The following EFCAB14 variants were observed in gnomAD, a reference collection of about 807,000 sequenced individuals.
EFCAB14 encodes EF-hand calcium-binding domain-containing protein 14.
In EFCAB14, 43 loss-of-function variants were observed where a neutral mutation model predicts 56.5. The ratio of observed to expected loss-of-function variants is 0.76; its 90% CI spans 0.60 to 0.98. The LOEUF is 0.98. Among genes scored for constraint, EFCAB14 ranks in the 50% least tolerant of loss-of-function variants. EFCAB14 has a pLI of 0.00. For synonymous variants in EFCAB14, 235 were observed against 212.9 expected (o/e 1.10, Z -0.90); for missense variants, 538 against 580.3 (o/e 0.93, Z 0.75).
chr1:46,688,304 T>C lies in EFCAB14; in HGVS notation c.987+49A>G, dbSNP rs1314747475. On this transcript the variant is annotated intron_variant, in intron 7 of 10. Coordinates refer to ENST00000371933, the MANE Select transcript of EFCAB14 (RefSeq NM_014774.3). ...TCAAAAGGTGGTAGAATGTTATCCA[T>C]GCACAGACAAAACACACTGCATGTC... 8 of 1,564,306 alleles carry C rather than the reference T, an allele frequency of 5.1e-6. No individual in the cohort carries two copies. The South Asian group carries it at 5.8e-5, about 11-fold the overall frequency.
intron 3 of EFCAB14, among the ~76,000 whole-genome samples, chr1:46,700,617 A>G (rs1677140049): frequency 6.6e-6 from 1 of 152,262 alleles, no homozygotes; most frequent in African/African-American, 2.4e-5. Context: ...TTATCTAGGA[A>G]TATCCATCAA....
At chr1:46,686,502 C>T (rs765699132) in intron 8 of EFCAB14, among the ~76,000 whole-genome samples, 2 of 152,110 alleles carry the variant, frequency 1.3e-5, no homozygotes, top group Non-Finnish European at 2.9e-5. Flanking sequence ...TATGTGTTAA[C>T]GATTTTCTGA....
Position 46,707,906 on chromosome 1 carries a change from C to T in EFCAB14, c.480G>A (p.Gln160=). ...ACAGCAAAAATCAAACTTTTAGTAC[C>T]TGCTTATTCATTTCTGTGATGTTTA... is the stretch of plus-strand genomic sequence containing the variant. ...VWINITEMNK[Q]ISLLTSAVNH... The change falls in exon 3 of 11, where the codon CAG becomes CAA. Residue 160 remains glutamine (Q), a splice_region_variant and synonymous_variant. Coordinates refer to ENST00000371933, the MANE Select transcript of EFCAB14 (RefSeq NM_014774.3). 6.2e-7 allele frequency: 1 copy of T among 1,607,262 alleles called. No individual in the cohort carries two copies. Among genetic ancestry groups the T allele is most frequent in the Non-Finnish European group, 8.5e-7 (1 of 1,178,852 alleles).
chr1:46,693,017 A>G (rs1677023402), intron 4 of EFCAB14, among the ~76,000 whole-genome samples: 1 of 152,170 alleles, frequency 6.6e-6, no homozygotes. Flanking sequence ...GGAGCAAAGG[A>G]CACTTCGAGC....
chr1:46,692,382 G>C (rs922052887), intron 4 of EFCAB14, among the ~76,000 whole-genome samples: 6 of 152,156 alleles, frequency 3.9e-5, no homozygotes, highest in Non-Finnish European at 8.8e-5. Context: ...TTCAATATTT[G>C]ACTATTACAA....
intron 3 of EFCAB14, among the ~76,000 whole-genome samples, chr1:46,697,158 C>G (rs1677087522): frequency 6.6e-6 from 1 of 152,210 alleles, no homozygotes; most frequent in African/African-American, 2.4e-5. Context: ...TTGAACAGCA[C>G]TTTCAACTAC....
chr1:46,697,655 C>T (rs1677095534), intron 3 of EFCAB14, among the ~76,000 whole-genome samples: 1 of 152,152 alleles, frequency 6.6e-6, no homozygotes, highest in African/African-American at 2.4e-5. Flanking sequence ...TGATTCCCTA[C>T]TCATTCCTTT....
intron 2 of EFCAB14, 97 bp downstream of exon 2, chr1:46,716,198 G>A (rs1477954880): frequency 1.2e-5 from 16 of 1,341,348 alleles, no homozygotes; most frequent in Non-Finnish European, 1.2e-5. Flanking sequence ...GCAGTGAGCC[G>A]AGATTGCGCC....
chr1:46,717,192 C>A lies in EFCAB14; in HGVS notation c.185+711G>T, dbSNP rs115668945. On this transcript the variant is annotated intron_variant, in intron 1 of 10. Transcript: ENST00000371933. Reference sequence around the variant, plus strand: ...AAACAAGACATTTTAAACCAACCAACCACTCAATGTCAGCACCCCGACCTT... The same window carrying A: ...AAACAAGACATTTTAAACCAACCAAACACTCAATGTCAGCACCCCGACCTT... 4.2e-3 allele frequency among the ~76,000 whole-genome samples: 644 copies of A among 152,300 alleles called. 1 individual carries two copies. Among genetic ancestry groups the A allele is most frequent in the African/African-American group, 0.014 (592 of 41,548 alleles).
chr1:46,696,914 G>A (rs1677085038), intron 3 of EFCAB14, among the ~76,000 whole-genome samples: 1 of 152,056 alleles, frequency 6.6e-6, no homozygotes, highest in Non-Finnish European at 1.5e-5. Context: ...ACCCTGTCCT[G>A]GCAGCACAAG....
In EFCAB14 at chr1:46,677,879, T is replaced by A. The variant is rs969793616; in HGVS notation, c.*582A>T. 3.9e-5 allele frequency: 6 copies of A among 152,676 alleles called. No homozygotes were observed. The highest frequency in any genetic ancestry group is 1.4e-4 in the African/African-American group (6 of 41,422). The allele number at this position is 152,676 out of a possible 1,614,324, so 9.5% of individuals were successfully genotyped here. On this transcript the variant is annotated 3_prime_UTR_variant, in exon 11 of 11. Coordinates refer to ENST00000371933, the MANE Select transcript of EFCAB14 (RefSeq NM_014774.3). ...GCGCCTGGGCCTTTGAGGGATACCT[T>A]ATGGAGACATGGATGTAGTTTCAGC...
chr1:46,696,870 T>C (rs1394973793), intron 3 of EFCAB14, among the ~76,000 whole-genome samples: 1 of 152,178 alleles, frequency 6.6e-6, no homozygotes, highest in East Asian at 1.9e-4. Context: ...ATTTGAACAC[T>C]AGTGTCAAAG....
At chr1:46,707,774 G>T in intron 3 of EFCAB14, 132 bp downstream of exon 3, 2 of 830,076 alleles carry the variant, frequency 2.4e-6, no homozygotes, top group Non-Finnish European at 3.5e-6. Flanking sequence ...ATTACAGTAT[G>T]CAAAACCCCA....
intron 9 of EFCAB14, among the ~76,000 whole-genome samples, chr1:46,683,925 C>G (rs1173896143): frequency 6.6e-6 from 1 of 152,166 alleles, no homozygotes; most frequent in Non-Finnish European, 1.5e-5. Flanking sequence ...TACTGCTTTT[C>G]TAAAATAGAA....
chr1:46,686,605 G>C (rs574432410), intron 8 of EFCAB14, 179 bp downstream of exon 8: 1 of 651,472 alleles, frequency 1.5e-6, no homozygotes, highest in Admixed American at 2.7e-5. Context: ...TTTGGCACAG[G>C]GTAGGTGCCT....
At chr1:46,702,040 T>A (rs910021281) in intron 3 of EFCAB14, among the ~76,000 whole-genome samples, 1 of 152,206 alleles carries the variant, frequency 6.6e-6, no homozygotes, top group African/African-American at 2.4e-5. Context: ...TCAGATCAGA[T>A]TCAGGCATTA....
In EFCAB14 at chr1:46,677,185, G is replaced by A. The variant is rs1676709041; in HGVS notation, c.*1276C>T. ...GCCAGGTCCACAGAAGCATTTAAAG[G>A]AAGTATTGTACTTGATTGTATTAGA... On this transcript the variant is annotated 3_prime_UTR_variant, in exon 11 of 11. Coordinates refer to ENST00000371933, the MANE Select transcript of EFCAB14 (RefSeq NM_014774.3). The A allele has an allele frequency of 6.5e-6, 1 of 152,680 alleles. No individual in the cohort carries two copies. The highest frequency in any genetic ancestry group is 2.1e-4 in the South Asian group (1 of 4,820). 9.5% of individuals were successfully genotyped at this position (152,680 alleles called of 1,614,324 possible). A position where few individuals can be genotyped will look rare whatever the true frequency, so the allele number is the denominator to read the frequency against.
rs1270101425 is a variant in EFCAB14, at chr1:46,691,845, T to C, written c.672A>G (p.Glu224=). ...KTVDEHKKTM[E]LLQSDMNQHF... ...TCCTTACCATATCACTCTGCAGTAA[T>C]TCCATCGTTTTCTTGTGTTCATCCA... is the stretch of plus-strand genomic sequence containing the variant. Residue 224 remains glutamate, a synonymous_variant, in exon 5 of 11, where the codon GAA becomes GAG. Transcript: ENST00000371933. 3.7e-6 allele frequency: 6 copies of C among 1,613,258 alleles called. No individual in the cohort carries two copies. Among genetic ancestry groups the C allele is most frequent in the Non-Finnish European group, 3.4e-6 (4 of 1,179,576 alleles).
At chr1:46,699,173 T>C (rs748983391) in intron 3 of EFCAB14, among the ~76,000 whole-genome samples, 14 of 152,194 alleles carry the variant, frequency 9.2e-5, no homozygotes, top group Non-Finnish European at 2.1e-4. Context: ...AATAAAGTTC[T>C]GAGAAAAGGA....
Sources: allele counts gnomAD v4.1 joint callset (sites outside exome capture counted in the v4.1 genomes callset), GRCh38; gene constraint gnomAD v4.1.1; transcripts MANE v1.5; gene names NCBI Gene and HGNC (gene_info 2026-07-23, HGNC 2026-07-21).